Variants in MRPS6 observed in about 807,000 individuals in gnomAD.
MRPS6 encodes the protein mitochondrial ribosomal protein S6, also known as small ribosomal subunit protein bS6m.
MRPS6 carries 6 observed loss-of-function variants against 13.1 expected under a neutral mutation model. That is an observed-to-expected ratio of 0.46 (90% CI 0.25 to 0.91). The LOEUF (loss-of-function observed/expected upper bound fraction) is 0.91. Ranked by LOEUF, MRPS6 falls within the 40% of genes least tolerant of loss-of-function variation. The probability of loss-of-function intolerance (pLI) is 0.18; values close to 1 mark genes in which losing one functional copy is unlikely to be tolerated. For missense variants in MRPS6, 164 were observed against 155.6 expected (o/e 1.05, Z -0.29); for synonymous variants, 61 against 56.5 (o/e 1.08, Z -0.36).
chr21:34,073,670 C>G lies in MRPS6; in HGVS notation c.-31C>G. 1 of 1,512,616 alleles carries G rather than the reference C, an allele frequency of 6.6e-7. No homozygotes were observed. The highest frequency in any genetic ancestry group is 1.9e-5 in the Admixed American group (1 of 53,680). The allele number at this position is 1,512,616 out of a possible 1,614,324, so 93.7% of individuals were successfully genotyped here. A position where few individuals can be genotyped will look rare whatever the true frequency, so the allele number is the denominator to read the frequency against. On this transcript the variant is annotated 5_prime_UTR_variant, in exon 1 of 3. Coordinates refer to ENST00000399312, the MANE Select transcript of MRPS6 (RefSeq NM_032476.4). ...CCTTCGCGTCCCGGGAACCGGCTGG[C>G]TTCCGAGCCGCACTCGCCGATCCTC...
chr21:34,077,242 T>A (rs1205881260), intron 1 of MRPS6, among the ~76,000 whole-genome samples: 1 of 152,236 alleles, frequency 6.6e-6, no homozygotes, highest in Non-Finnish European at 1.5e-5. Flanking sequence ...TAAAGCCGCA[T>A]ACTGTATAAT....
At chr21:34,076,163 A>G (rs1263639039) in intron 1 of MRPS6, among the ~76,000 whole-genome samples, 2 of 152,216 alleles carry the variant, frequency 1.3e-5, no homozygotes, top group Non-Finnish European at 2.9e-5. Flanking sequence ...TTAAGAAACT[A>G]TAGTTTTCCA....
intron 2 of MRPS6, among the ~76,000 whole-genome samples, chr21:34,138,440 A>T (rs1199190220): frequency 6.6e-6 from 1 of 152,148 alleles, no homozygotes; most frequent in African/African-American, 2.4e-5. Flanking sequence ...TGAACTACTC[A>T]TCTAACAAAG....
rs1419696028 is a variant in MRPS6 at position 34,073,692 on chromosome 21, C to T, written c.-9C>T. 1.3e-6 allele frequency: 2 copies of T among 1,520,134 alleles called. No individual in the cohort carries two copies. The highest frequency in any genetic ancestry group is 1.8e-5 in the Admixed American group (1 of 54,118). 94.2% of individuals were successfully genotyped at this position (1,520,134 alleles called of 1,614,324 possible). A position where few individuals can be genotyped will look rare whatever the true frequency, so the allele number is the denominator to read the frequency against. ...TGGCTTCCGAGCCGCACTCGCCGAT[C>T]CTCCAGGCATGCCCCGCTACGAGCT... On this transcript the variant is annotated 5_prime_UTR_variant, in exon 1 of 3. Coordinates refer to ENST00000399312, the MANE Select transcript of MRPS6 (RefSeq NM_032476.4).
chr21:34,089,423 T>A (rs1978566225), intron 1 of MRPS6, among the ~76,000 whole-genome samples: 1 of 151,850 alleles, frequency 6.6e-6, no homozygotes, highest in Non-Finnish European at 1.5e-5. Context: ...AGTAGTAGTT[T>A]CATAGTTGTT....
intron 2 of MRPS6, among the ~76,000 whole-genome samples, chr21:34,142,157 C>G (rs1163779648): frequency 6.6e-6 from 1 of 152,138 alleles, no homozygotes; most frequent in African/African-American, 2.4e-5. Flanking sequence ...TGCCATAAAG[C>G]TGGTTTGGAT....
At chr21:34,110,677 C>T (rs537479697) in intron 1 of MRPS6, among the ~76,000 whole-genome samples, 6 of 152,246 alleles carry the variant, frequency 3.9e-5, no homozygotes, top group East Asian at 3.9e-4. Context: ...AATTCTGAAT[C>T]GTTGCCCCTT....
At chr21:34,124,428 G>T (rs894469208) in intron 1 of MRPS6, 5 of 151,278 alleles carry the variant, frequency 3.3e-5, no homozygotes, top group Non-Finnish European at 7.4e-5. Flanking sequence ...TATCTGGAAA[G>T]AAATTCACCA....
At chr21:34,079,304 A>G (rs1165634831) in intron 1 of MRPS6, among the ~76,000 whole-genome samples, 1 of 152,150 alleles carries the variant, frequency 6.6e-6, no homozygotes, top group East Asian at 1.9e-4. Flanking sequence ...TATATTTATT[A>G]TCTAGTCCTT....
chr21:34,113,445 A>C (rs1019954463), intron 1 of MRPS6, among the ~76,000 whole-genome samples: 7 of 152,236 alleles, frequency 4.6e-5, no homozygotes, highest in African/African-American at 1.7e-4. Flanking sequence ...CATTATGTGA[A>C]GTGAAATAAG....
At chr21:34,120,982 C>T (rs1208593654) in intron 1 of MRPS6, among the ~76,000 whole-genome samples, 2 of 152,096 alleles carry the variant, frequency 1.3e-5, no homozygotes, top group African/African-American at 4.8e-5. Context: ...AAGAGACCCT[C>T]TTAAAGGAGG....
At chr21:34,123,794 A>G (rs748016167) in intron 1 of MRPS6, 1 of 152,090 alleles carries the variant, frequency 6.6e-6, no homozygotes, top group Non-Finnish European at 1.5e-5. Flanking sequence ...TACCTCTACC[A>G]TGGGAACCTT....
At chr21:34,076,970 C>T (rs1020498949) in intron 1 of MRPS6, among the ~76,000 whole-genome samples, 1 of 152,204 alleles carries the variant, frequency 6.6e-6, no homozygotes, top group African/African-American at 2.4e-5. Context: ...CCCAGGTAGC[C>T]TCATTTCAGT....
rs569028619 is a variant in MRPS6, at chr21:34,096,428, G to A, written c.45+22683G>A. The A allele has an allele frequency of 6.2e-7, 1 of 1,614,218 alleles. No individual in the cohort carries two copies. The highest frequency in any genetic ancestry group is 2.2e-5 in the East Asian group (1 of 44,892). On this transcript the variant is annotated intron_variant, in intron 1 of 2. Coordinates refer to ENST00000399312, the MANE Select transcript of MRPS6 (RefSeq NM_032476.4). The surrounding 1 kb of genome is among the most constrained non-coding windows in gnomAD (Gnocchi z 5.9). The stretch of plus-strand genomic sequence containing the variant: ...CAAGCTCCCGGGAGTTAATGATTGT[G>A]GGGAGGATATTTGTGGCATTTATGG...
chr21:34,106,390 C>G (rs992893287), intron 1 of MRPS6: 5 of 166,808 alleles, frequency 3.0e-5, no homozygotes, highest in African/African-American at 1.2e-4. Flanking sequence ...AGTGAATTTC[C>G]CCCTACTAAT....
intron 1 of MRPS6, among the ~76,000 whole-genome samples, chr21:34,110,265 A>C (rs1979643255): frequency 6.6e-6 from 1 of 152,146 alleles, no homozygotes; most frequent in Non-Finnish European, 1.5e-5. Flanking sequence ...GGAGTTCGAG[A>C]CCAGCTTGGG....
intron 1 of MRPS6, among the ~76,000 whole-genome samples, chr21:34,079,085 A>AT (rs1395288277): frequency 6.6e-6 from 1 of 152,224 alleles, no homozygotes; most frequent in Admixed American, 6.5e-5. Context: ...TTGCTTTGAA[A>AT]TTAGAGCAAG....
At chr21:34,140,111 CT>C (rs1256719240) in intron 2 of MRPS6, among the ~76,000 whole-genome samples, 1 of 151,838 alleles carries the variant, frequency 6.6e-6, no homozygotes, top group Non-Finnish European at 1.5e-5. Context: ...CTCTGTTTTT[CT>C]TTTTTCTGCT....
intron 1 of MRPS6, among the ~76,000 whole-genome samples, chr21:34,114,708 A>G (rs1421234492): frequency 6.6e-6 from 1 of 152,188 alleles, no homozygotes; most frequent in Non-Finnish European, 1.5e-5. Flanking sequence ...CCTTAAATGA[A>G]TGACATCTGA....
Sources: gnomAD v4.1 joint callset for allele counts (sites outside exome capture counted in the v4.1 genomes callset) on GRCh38, gnomAD v4.1.1 for gene constraint, Gnocchi (gnomAD v3.1) non-coding constraint, MANE v1.5 for transcripts, NCBI Gene and HGNC (gene_info 2026-07-23, HGNC 2026-07-21) for gene names.